DAB1: variants seen among roughly 807,000 people sequenced by gnomAD.
The protein encoded by DAB1 is DAB adaptor protein 1, also known as disabled homolog 1.
DAB1 carries 15 observed loss-of-function variants against 64.6 expected under a neutral mutation model. That is an observed-to-expected ratio of 0.23 (90% CI 0.16 to 0.36). The LOEUF (loss-of-function observed/expected upper bound fraction) is 0.36, where lower values mean the gene tolerates loss of function less well. DAB1 is among the 10% of genes least tolerant of loss of function. DAB1 has a pLI of 1.00. For missense variants in DAB1, 596 were observed against 706.7 expected, an observed-to-expected ratio of 0.84 and a Z score of 1.78; for synonymous variants, 235 against 251.9, an observed-to-expected ratio of 0.93 and a Z score of 0.64.
Position 58,207,625 on chromosome 1 carries a change from C to T in DAB1, n.310-57037G>A, listed in dbSNP as rs186429348. Reference sequence around the variant, plus strand: ...GTTTTAATACTGGAAGCCCCACATTCGAGAAATCCCCTCAGTGCTGGACAA... The same window carrying T: ...GTTTTAATACTGGAAGCCCCACATTTGAGAAATCCCCTCAGTGCTGGACAA... On this transcript the variant is annotated intron_variant and non_coding_transcript_variant, in intron 4 of 20. Transcript: ENST00000485760. 3.1e-4 allele frequency among the ~76,000 whole-genome samples: 47 copies of T among 152,278 alleles called. 1 individual carries two copies. The highest frequency in any genetic ancestry group is 7.2e-4 in the Admixed American group (11 of 15,302).
chr1:57,446,800 C>G (rs949894696), intron 7 of DAB1, among the ~76,000 whole-genome samples: 1 of 151,966 alleles, frequency 6.6e-6, no homozygotes, highest in African/African-American at 2.4e-5. Flanking sequence ...GGAAGGAGAA[C>G]AAGGGAGTAC....
In DAB1 at chr1:58,225,610, C is replaced by T. The variant is rs560091684; in HGVS notation, n.310-75022G>A. On this transcript the variant is annotated intron_variant and non_coding_transcript_variant, in intron 4 of 20. Coordinates refer to the DAB1 transcript ENST00000485760. The stretch of plus-strand genomic sequence containing the variant: ...GGATAAAGAAAATGTGGCATGTATA[C>T]ATCAGGGAATACTATGCAGCCATAA... Among the ~76,000 whole-genome samples the T allele has an allele frequency of 1.4e-3, 212 of 150,966 alleles. 1 individual carries two copies. Among genetic ancestry groups the T allele is most frequent in the Non-Finnish European group, 2.6e-3 (173 of 67,780 alleles).
At chr1:57,249,665 C>A (rs1669173634) in intron 2 of DAB1, among the ~76,000 whole-genome samples, 1 of 152,212 alleles carries the variant, frequency 6.6e-6, no homozygotes, top group South Asian at 2.1e-4. Flanking sequence ...AGCCACCACA[C>A]CCAGCCTCAA....
intron 2 of DAB1, among the ~76,000 whole-genome samples, chr1:57,268,151 A>G (rs1331870631): frequency 6.6e-6 from 1 of 152,042 alleles, no homozygotes; most frequent in African/African-American, 2.4e-5. Context: ...GCATCTGGCC[A>G]CTCCCTCAAG....
chr1:57,474,488 C>A (rs965530529), intron 7 of DAB1, among the ~76,000 whole-genome samples: 1 of 152,118 alleles, frequency 6.6e-6, no homozygotes, highest in Non-Finnish European at 1.5e-5. Flanking sequence ...ATGTTTGGAT[C>A]CATTAGGAAG....
intron 3 of DAB1, among the ~76,000 whole-genome samples, chr1:58,473,545 AAAAT>A (rs56211911): frequency 0.1 from 12,226 of 122,478 alleles, 770 homozygotes; most frequent in African/African-American, 0.18. Context: ...CCGTCTCAAA[AAAAT>A]AAATAAATAA....
chr1:57,451,087 G>A (rs1686336511), intron 7 of DAB1, among the ~76,000 whole-genome samples: 1 of 152,182 alleles, frequency 6.6e-6, no homozygotes, highest in South Asian at 2.1e-4. Context: ...CTTCCTGCCA[G>A]CATTCCTTAC....
chr1:57,356,232 T>C (rs987581894), intron 1 of DAB1, among the ~76,000 whole-genome samples: 9 of 152,218 alleles, frequency 5.9e-5, no homozygotes, highest in African/African-American at 1.9e-4. Context: ...TCAAAGACAG[T>C]AAAACTCAAT....
intron 7 of DAB1, among the ~76,000 whole-genome samples, chr1:57,508,875 T>C (rs763657888): frequency 2.3e-4 from 35 of 152,180 alleles, no homozygotes; most frequent in Admixed American, 4.6e-4. Flanking sequence ...AGCATACACA[T>C]ATATAAAACA....
At chr1:57,025,896 A>T in intron 10 of DAB1, 85 bp downstream of exon 10, 1 of 1,108,258 alleles carries the variant, frequency 9.0e-7, no homozygotes, top group Non-Finnish European at 1.3e-6. Flanking sequence ...GCCCTCTTTC[A>T]CTCAAAGCCC....
chr1:57,419,958 C>T (rs536502331), intron 1 of DAB1, among the ~76,000 whole-genome samples: 11 of 152,298 alleles, frequency 7.2e-5, no homozygotes, highest in South Asian at 4.1e-4. Context: ...GCTGTTTCTG[C>T]GTTACTAATT....
At chr1:57,417,920 T>C (rs971019060) in intron 1 of DAB1, among the ~76,000 whole-genome samples, 1 of 152,170 alleles carries the variant, frequency 6.6e-6, no homozygotes, top group African/African-American at 2.4e-5. Context: ...AAACTCCTGG[T>C]CAGCCTTCAA....
intron 3 of DAB1, among the ~76,000 whole-genome samples, chr1:58,479,521 G>C (rs1251769181): frequency 1.3e-5 from 2 of 152,188 alleles, no homozygotes; most frequent in African/African-American, 4.8e-5. Context: ...GGCAGGGGGA[G>C]AGGTTCTACT....
At chr1:57,415,558 T>G (rs1684434602) in intron 1 of DAB1, among the ~76,000 whole-genome samples, 1 of 152,338 alleles carries the variant, frequency 6.6e-6, no homozygotes, top group Admixed American at 6.5e-5. Context: ...ATAACCTTTT[T>G]GCATTTATTG....
chr1:57,547,186 T>C (rs1343440874), intron 7 of DAB1, among the ~76,000 whole-genome samples: 3 of 152,088 alleles, frequency 2.0e-5, no homozygotes, highest in African/African-American at 7.2e-5. Context: ...CTGCTTACAA[T>C]GAGATGGGTG....
chr1:57,867,879 G>T (rs2101951997), intron 1 of DAB1, among the ~76,000 whole-genome samples: 1 of 152,234 alleles, frequency 6.6e-6, no homozygotes, highest in Admixed American at 6.5e-5. Flanking sequence ...AGCCACAAAT[G>T]AATCCCTGTT....
intron 2 of DAB1, among the ~76,000 whole-genome samples, chr1:58,518,783 T>A (rs533352981): frequency 7.9e-5 from 12 of 152,210 alleles, no homozygotes; most frequent in Admixed American, 1.3e-4. Context: ...AGATAATGTA[T>A]CTGTGAAATA....
chr1:57,245,961 T>C (rs1668840831), intron 2 of DAB1, among the ~76,000 whole-genome samples: 1 of 152,334 alleles, frequency 6.6e-6, no homozygotes, highest in East Asian at 1.9e-4. Flanking sequence ...AAAGTGTACA[T>C]GCATATGCAT....
intron 4 of DAB1, among the ~76,000 whole-genome samples, chr1:58,199,426 CT>C (rs1411508298): frequency 1.3e-5 from 2 of 152,128 alleles, no homozygotes; most frequent in Non-Finnish European, 2.9e-5. Context: ...GTAAGATAAA[CT>C]TATGATCTGT....
Sources: allele counts gnomAD v4.1 joint callset (sites outside exome capture counted in the v4.1 genomes callset), GRCh38; gene constraint gnomAD v4.1.1; transcripts MANE v1.5; gene names NCBI Gene and HGNC (gene_info 2026-07-23, HGNC 2026-07-21).